BMP2: variants seen among roughly 807,000 people sequenced by gnomAD.
BMP2 encodes the protein bone morphogenetic protein 2A.
A neutral mutation model predicts 28.8 loss-of-function variants in BMP2; 2 were observed. The observed-to-expected ratio is 0.07, with a 90% CI of 0.03 to 0.22. The LOEUF is 0.22. Among genes scored for constraint, BMP2 ranks in the 10% least tolerant of loss-of-function variants. BMP2 has a pLI of 1.00. For synonymous variants in BMP2, 218 were observed against 204.3 expected, an observed-to-expected ratio of 1.07 and a Z score of -0.57; for missense variants, 437 against 517.7, an observed-to-expected ratio of 0.84 and a Z score of 1.51.
Position 6,778,531 on chromosome 20 carries a change from C to T in BMP2, c.633C>T (p.Pro211=), listed in dbSNP as rs761359724. The T allele has an allele frequency of 5.3e-5, 86 of 1,614,150 alleles. No homozygotes were observed. In the South Asian group the frequency reaches 6.4e-4, roughly 12 times the overall value. ...ASRWESFDVT[P]AVMRWTAQGH... ...GGTGGGAAAGTTTTGATGTCACCCC[C>T]GCTGTGATGCGGTGGACTGCACAGG... Residue 211 remains proline, a synonymous_variant, in exon 3 of 3, where the codon CCC becomes CCT. Transcript: ENST00000378827. This position sits in a 1 kb window ranked among gnomAD's most constrained non-coding sequence, Gnocchi z 5.0.
chr20:6,770,329 C>A lies in BMP2; in HGVS notation c.203C>A (p.Thr68Asn). The change falls in exon 2 of 3, where the codon ACC becomes AAC. Residue 68 changes from threonine (T) to asparagine (N), a missense_variant. Around this residue, in one of 2 missense-constraint regions of BMP2, gnomAD observed 363 missense variants for 392.8 expected, o/e 0.92. Transcript: ENST00000378827. ...LSMFGLKQRP[T>N]PSRDAVVPPY... is the part of the protein sequence containing the mutation. The stretch of plus-strand genomic sequence containing the variant: ...ATGTTCGGCCTGAAACAGAGACCCA[C>A]CCCCAGCAGGGACGCCGTGGTGCCC... 2 of 1,613,540 alleles carry A rather than the reference C, an allele frequency of 1.2e-6. No homozygotes were observed. Among genetic ancestry groups the A allele is most frequent in the Non-Finnish European group, 1.7e-6 (2 of 1,179,970 alleles).
chr20:6,772,680 G>A (rs1313993145), intron 2 of BMP2, among the ~76,000 whole-genome samples: 2 of 152,190 alleles, frequency 1.3e-5, no homozygotes, highest in East Asian at 3.8e-4. Flanking sequence ...GGTTTTCTTT[G>A]TAGGTGTGAT....
In BMP2 at chr20:6,778,606, A is replaced by G; in HGVS notation, c.708A>G (p.Lys236=). Residue 236 remains lysine (K), a synonymous_variant, in exon 3 of 3, where the codon AAA becomes AAG. Transcript: ENST00000378827. This position sits in a 1 kb window ranked among gnomAD's most constrained non-coding sequence, Gnocchi z 5.0. The part of the protein sequence containing the change: ...FVVEVAHLEE[K]QGVSKRHVRI... ...TGGAAGTGGCCCACTTGGAGGAGAA[A>G]CAAGGTGTCTCCAAGAGACATGTTA... is the stretch of plus-strand genomic sequence containing the variant. The G allele has an allele frequency of 6.2e-7, 1 of 1,614,106 alleles. No homozygotes were observed. Among genetic ancestry groups the G allele is most frequent in the Non-Finnish European group, 8.5e-7 (1 of 1,179,998 alleles).
At chr20:6,774,312 G>A (rs1377605034) in intron 2 of BMP2, among the ~76,000 whole-genome samples, 2 of 152,002 alleles carry the variant, frequency 1.3e-5, no homozygotes, top group South Asian at 2.1e-4. Flanking sequence ...GATCACTTGA[G>A]GTCAGGAGTT....
chr20:6,773,820 G>A (rs1986447222), intron 2 of BMP2, among the ~76,000 whole-genome samples: 1 of 152,002 alleles, frequency 6.6e-6, no homozygotes, highest in Admixed American at 6.5e-5. Context: ...TTGTGTTAGG[G>A]CAGTGACTTC....
At position 6,779,111 on chromosome 20, in the gene BMP2, A is replaced by AT; in HGVS notation, c.*22_*23insT. On this transcript the variant is annotated 3_prime_UTR_variant, in exon 3 of 3. Transcript: ENST00000378827. ...CTAGTACAGCAAAATTAAATACATA[A>AT]ATATATATATATATATATATTTTAG... 4 of 1,024,048 alleles carry AT rather than the reference A, an allele frequency of 3.9e-6. No homozygotes were observed. Among genetic ancestry groups the AT allele is most frequent in the Non-Finnish European group, 5.0e-6 (4 of 792,598 alleles). The allele number at this position is 1,024,048 out of a possible 1,614,324, so 63.4% of individuals were successfully genotyped here.
intron 2 of BMP2, among the ~76,000 whole-genome samples, chr20:6,775,289 C>T (rs1986475927): frequency 6.6e-6 from 1 of 152,010 alleles, no homozygotes; most frequent in South Asian, 2.1e-4. Flanking sequence ...CGTACTCTTC[C>T]CTGGCAGATT....
At chr20:6,777,607 C>T (rs1239903329) in intron 2 of BMP2, among the ~76,000 whole-genome samples, 6 of 152,132 alleles carry the variant, frequency 3.9e-5, no homozygotes, top group Admixed American at 3.3e-4. Context: ...ACCACCCATA[C>T]GTTTCCAAAG....
intron 2 of BMP2, among the ~76,000 whole-genome samples, chr20:6,773,170 G>T (rs2122381417): frequency 6.6e-6 from 1 of 152,282 alleles, no homozygotes; most frequent in Non-Finnish European, 1.5e-5. Context: ...CTTTCAAATA[G>T]AGATTAACCC....
intron 1 of BMP2, among the ~76,000 whole-genome samples, chr20:6,769,455 G>C (rs956615586): frequency 2.0e-5 from 3 of 152,078 alleles, no homozygotes; most frequent in Non-Finnish European, 4.4e-5. Context: ...CACCATTTAC[G>C]TAATCCCGGG....
chr20:6,773,723 T>G (rs561637623), intron 2 of BMP2, among the ~76,000 whole-genome samples: 4 of 152,304 alleles, frequency 2.6e-5, no homozygotes, highest in African/African-American at 4.8e-5. Flanking sequence ...TTTTAACCTT[T>G]TGTATTTGAT....
chr20:6,771,963 T>C (rs952319768), intron 2 of BMP2, among the ~76,000 whole-genome samples: 1 of 152,226 alleles, frequency 6.6e-6, no homozygotes, highest in African/African-American at 2.4e-5. Context: ...AATACTTTTT[T>C]TTTTGTATAG....
rs766737757 is a variant in BMP2, at chr20:6,778,792, A to G, written c.894A>G (p.Arg298=). The change falls in exon 3 of 3, where the codon AGA becomes AGG. Residue 298 remains arginine (R), a synonymous_variant. Coordinates refer to ENST00000378827, the MANE Select transcript of BMP2 (RefSeq NM_001200.4). The surrounding 1 kb of genome is among the most constrained non-coding windows in gnomAD (Gnocchi z 5.0). The stretch of plus-strand genomic sequence containing the variant: ...AACGCCTTAAGTCCAGCTGTAAGAG[A>G]CACCCTTTGTACGTGGACTTCAGTG... The part of the protein sequence containing the change: ...QRKRLKSSCK[R]HPLYVDFSDV... 2 of 1,614,142 alleles carry G rather than the reference A, an allele frequency of 1.2e-6. No individual in the cohort carries two copies. The highest frequency in any genetic ancestry group is 1.7e-6 in the Non-Finnish European group (2 of 1,180,032).
At chr20:6,769,975 G>A (rs1043363634) in intron 1 of BMP2, 145 bp from the exon 2 acceptor site, 9 of 771,558 alleles carry the variant, frequency 1.2e-5, no homozygotes, top group African/African-American at 1.8e-5. Context: ...AGCTTCGGTC[G>A]GTCTTACCTA....
At chr20:6,770,069 G>T (rs1236801405) in intron 1 of BMP2, 51 bp from the exon 2 acceptor site, 11 of 1,476,032 alleles carry the variant, frequency 7.5e-6, no homozygotes, top group South Asian at 5.3e-5. Context: ...GGGCGCGAGG[G>T]GGGAGGACTG....
In BMP2 at chr20:6,767,825, G is replaced by A. The variant is rs1318823477; in HGVS notation, c.-1058G>A. On this transcript the variant is annotated 5_prime_UTR_variant, in exon 1 of 3. Coordinates refer to ENST00000378827, the MANE Select transcript of BMP2 (RefSeq NM_001200.4). ...CACATCTGCCGCCACAGCCTCCGCC[G>A]GCTACCCGAACGTTCTCGGGGCCAG... 7.1e-5 allele frequency: 24 copies of A among 335,920 alleles called. No individual in the cohort carries two copies. The highest frequency in any genetic ancestry group is 1.4e-4 in the South Asian group (1 of 7,008). The allele number at this position is 335,920 out of a possible 1,614,324, so 20.8% of individuals were successfully genotyped here. A position where few individuals can be genotyped will look rare whatever the true frequency, so the allele number is the denominator to read the frequency against.
At chr20:6,771,449 A>G (rs1436331126) in intron 2 of BMP2, among the ~76,000 whole-genome samples, 3 of 152,230 alleles carry the variant, frequency 2.0e-5, no homozygotes, top group Admixed American at 1.3e-4. Context: ...ACAAAAGTGT[A>G]TATCACAGAG....
intron 2 of BMP2, among the ~76,000 whole-genome samples, chr20:6,771,060 T>C (rs529514760): frequency 2.0e-5 from 3 of 152,318 alleles, no homozygotes; most frequent in Non-Finnish European, 4.4e-5. Flanking sequence ...ATCAATCTTA[T>C]TGTTTCCACA....
Position 6,770,332 on chromosome 20 carries a change from C to T in BMP2, c.206C>T (p.Pro69Leu). 1 of 1,613,524 alleles carries T rather than the reference C, an allele frequency of 6.2e-7. No homozygotes were observed. Among genetic ancestry groups the T allele is most frequent in the Non-Finnish European group, 8.5e-7 (1 of 1,179,962 alleles). The change falls in exon 2 of 3, where the codon CCC becomes CTC. Residue 69 changes from proline (P) to leucine (L), a missense_variant. Around this residue, in one of 2 missense-constraint regions of BMP2, gnomAD observed 363 missense variants for 392.8 expected, o/e 0.92. Transcript: ENST00000378827. ...SMFGLKQRPT[P>L]SRDAVVPPYM... ...TTCGGCCTGAAACAGAGACCCACCC[C>T]CAGCAGGGACGCCGTGGTGCCCCCC... is the stretch of plus-strand genomic sequence containing the variant.
Sources: allele counts gnomAD v4.1 joint callset (sites outside exome capture counted in the v4.1 genomes callset), GRCh38; gene constraint gnomAD v4.1.1; regional missense constraint gnomAD v4.1.1; non-coding constraint Gnocchi (gnomAD v3.1); transcripts MANE v1.5; gene names NCBI Gene and HGNC (gene_info 2026-07-23, HGNC 2026-07-21).